The following CBR4 variants were observed in gnomAD, a reference collection of about 807,000 sequenced individuals.
CBR4 encodes the protein carbonyl reductase 4.
In CBR4, 22 loss-of-function variants were observed where a neutral mutation model predicts 21.0. That is an observed-to-expected ratio of 1.05 (90% CI 0.75 to 1.50). The LOEUF (loss-of-function observed/expected upper bound fraction) is 1.50, where lower values mean the gene tolerates loss of function less well. Among genes scored for constraint, CBR4 ranks in the 40% most tolerant of loss-of-function variants. The pLI is 0.00. For missense variants in CBR4, 302 were observed against 286.3 expected (o/e 1.05, Z -0.40); for synonymous variants, 100 against 104.4 (o/e 0.96, Z 0.26).
At chr4:168,910,208 C>A (rs1374860023) in intron 2 of CBR4, among the ~76,000 whole-genome samples, 1 of 147,122 alleles carries the variant, frequency 6.8e-6, no homozygotes, top group Non-Finnish European at 1.5e-5. Context: ...GAGTAGTATG[C>A]CAACCTGTTT....
At chr4:168,964,294 C>G (rs537300088) in intron 2 of CBR4, among the ~76,000 whole-genome samples, 57 of 152,182 alleles carry the variant, frequency 3.7e-4, no homozygotes, top group Non-Finnish European at 3.7e-4. Context: ...ACTCTCTTCC[C>G]TTTAACCTCA....
At chr4:168,920,448 CTG>C (rs1761226633) in intron 2 of CBR4, among the ~76,000 whole-genome samples, 1 of 152,116 alleles carries the variant, frequency 6.6e-6, no homozygotes, top group East Asian at 1.9e-4. Context: ...TTCAAAAGAA[CTG>C]TTTTACAGTC....
intron 2 of CBR4, among the ~76,000 whole-genome samples, chr4:168,943,901 C>T (rs1460334738): frequency 6.6e-6 from 1 of 151,872 alleles, no homozygotes; most frequent in African/African-American, 2.4e-5. Flanking sequence ...AAGAGGGAAA[C>T]TCTGTCTCAA....
chr4:168,898,314 C>T (rs898000800), intron 2 of CBR4: 46 of 639,922 alleles, frequency 7.2e-5, no homozygotes, highest in Non-Finnish European at 1.2e-4. Context: ...TGAAATACCA[C>T]ATAAACTCAC....
At chr4:168,956,156 G>C (rs1440803112) in intron 2 of CBR4, among the ~76,000 whole-genome samples, 2 of 152,098 alleles carry the variant, frequency 1.3e-5, no homozygotes, top group East Asian at 3.9e-4. Context: ...AGATCAAAAT[G>C]AATAAATTTG....
intron 3 of CBR4, among the ~76,000 whole-genome samples, chr4:169,002,659 T>C (rs977718591): frequency 6.6e-6 from 1 of 152,200 alleles, no homozygotes; most frequent in African/African-American, 2.4e-5. Context: ...ACTAGTTCAT[T>C]TGAAGCTAAA....
At chr4:168,930,154 A>G (rs1385800084) in intron 2 of CBR4, among the ~76,000 whole-genome samples, 1 of 152,208 alleles carries the variant, frequency 6.6e-6, no homozygotes, top group Admixed American at 6.5e-5. Flanking sequence ...GATGTAATTT[A>G]TAGGCATTTG....
chr4:168,933,240 C>A (rs1307563133), intron 2 of CBR4, among the ~76,000 whole-genome samples: 1 of 151,978 alleles, frequency 6.6e-6, no homozygotes, highest in Non-Finnish European at 1.5e-5. Context: ...ATAAAAAAAC[C>A]ATGCAACTAT....
At chr4:168,902,550 G>A (rs1012982872) in intron 2 of CBR4, among the ~76,000 whole-genome samples, 12 of 152,226 alleles carry the variant, frequency 7.9e-5, no homozygotes, top group African/African-American at 1.2e-4. Context: ...GCTGAGGCAC[G>A]AGAATTGTTT....
chr4:168,967,393 A>G (rs933253451), intron 2 of CBR4, among the ~76,000 whole-genome samples: 3 of 152,186 alleles, frequency 2.0e-5, no homozygotes, highest in African/African-American at 7.2e-5. Context: ...CATTAGGAGA[A>G]ATACCTAATG....
rs188391199 is a variant in CBR4, at chr4:168,929,542, G to A, written n.170-34777C>T. 2.0e-4 allele frequency among the ~76,000 whole-genome samples: 30 copies of A among 152,228 alleles called. No individual in the cohort carries two copies. The East Asian group carries it at 5.6e-3, about 28-fold the overall frequency. On this transcript the variant is annotated intron_variant and non_coding_transcript_variant, in intron 2 of 3. Transcript: ENST00000509108. ...CATAACATGACAATCCCCTTGGCTT[G>A]CTCAGTAGCTACAACCTCCTTTATC...
intron 2 of CBR4, among the ~76,000 whole-genome samples, chr4:168,951,216 G>A (rs776260450): frequency 2.6e-5 from 4 of 151,982 alleles, no homozygotes; most frequent in East Asian, 3.9e-4. Context: ...CCACCACCAC[G>A]CACAGCTAAT....
At chr4:168,942,095 AAGCTGGAAGCCATCATTCTC>A (rs1235328407) in intron 2 of CBR4, among the ~76,000 whole-genome samples, 2 of 152,194 alleles carry the variant, frequency 1.3e-5, no homozygotes, top group African/African-American at 2.4e-5. Flanking sequence ...GACATGGATG[AAGCTGGAAGCCATCATTCTC>A]AGCAAACTAA....
chr4:169,007,311 T>G (rs932777447), intron 2 of CBR4, among the ~76,000 whole-genome samples: 3 of 152,158 alleles, frequency 2.0e-5, no homozygotes, highest in Non-Finnish European at 4.4e-5. Flanking sequence ...GTTCACAAAC[T>G]GGCAAAACTT....
At chr4:168,961,610 C>T (rs987375069) in intron 2 of CBR4, among the ~76,000 whole-genome samples, 4 of 152,028 alleles carry the variant, frequency 2.6e-5, no homozygotes, top group African/African-American at 7.2e-5. Context: ...GAAAAAGAGA[C>T]CGGGTGTGGT....
At chr4:168,978,960 T>G (rs981797784) in intron 2 of CBR4, among the ~76,000 whole-genome samples, 1 of 151,154 alleles carries the variant, frequency 6.6e-6, no homozygotes, top group African/African-American at 2.4e-5. Context: ...AAGACAGGCC[T>G]GCCATTTTTG....
Position 168,925,064 on chromosome 4 carries a change from G to A in CBR4, n.170-30299C>T, listed in dbSNP as rs1172864337. 1.2e-6 allele frequency: 2 copies of A among 1,613,956 alleles called. No homozygotes were observed. The highest frequency in any genetic ancestry group is 4.5e-5 in the East Asian group (2 of 44,874). ...GCAGGGATTGTGTCCTGTACTGCCA[G>A]GCTGGACGTTTACAGTGAGTGCCAC... On this transcript the variant is annotated intron_variant and non_coding_transcript_variant, in intron 2 of 3. Coordinates refer to the CBR4 transcript ENST00000509108.
In CBR4 at chr4:168,926,566, T is replaced by C. The variant is rs575876255; in HGVS notation, n.170-31801A>G. 3.0e-5 allele frequency: 16 copies of C among 541,600 alleles called. No homozygotes were observed. In the South Asian group the frequency reaches 4.4e-4, roughly 15 times the overall value. 33.5% of individuals were successfully genotyped at this position (541,600 alleles called of 1,614,324 possible). On this transcript the variant is annotated intron_variant and non_coding_transcript_variant, in intron 2 of 3. Coordinates refer to the CBR4 transcript ENST00000509108. ...ACTTAGTTTAAGTAGATAATGCTAA[T>C]ACAAATATACACATTGCACAGAAAA...
In CBR4 at chr4:168,924,368, A is replaced by G; in HGVS notation, n.170-29603T>C. The G allele has an allele frequency of 6.2e-7, 1 of 1,614,014 alleles. No homozygotes were observed. The highest frequency in any genetic ancestry group is 8.5e-7 in the Non-Finnish European group (1 of 1,179,916). On this transcript the variant is annotated intron_variant and non_coding_transcript_variant, in intron 2 of 3. Transcript: ENST00000509108. Reference sequence around the variant, plus strand: ...TGTATTGGGAGTGCCACCACCTCAGATATTTTGGAAGAAAGAAAATGAATC... The same window carrying G: ...TGTATTGGGAGTGCCACCACCTCAGGTATTTTGGAAGAAAGAAAATGAATC...
Sources: allele counts gnomAD v4.1 joint callset (sites outside exome capture counted in the v4.1 genomes callset), GRCh38; gene constraint gnomAD v4.1.1; transcripts MANE v1.5; gene names NCBI Gene and HGNC (gene_info 2026-07-23, HGNC 2026-07-21).